VPS54: variants seen among roughly 807,000 people sequenced by gnomAD.
VPS54 encodes the protein VPS54 subunit of GARP complex.
A neutral mutation model predicts 121.5 loss-of-function variants in VPS54; 45 were observed. The observed-to-expected ratio is 0.37, with a 90% CI of 0.29 to 0.47. The LOEUF (loss-of-function observed/expected upper bound fraction) is 0.47, where lower values mean the gene tolerates loss of function less well. VPS54 is among the 20% of genes least tolerant of loss of function. The pLI is 0.99. For missense variants in VPS54, 1,090 were observed against 1,131.4 expected (o/e 0.96, Z 0.52); for synonymous variants, 371 against 385.8 (o/e 0.96, Z 0.45).
intron 20 of VPS54, among the ~76,000 whole-genome samples, chr2:63,902,550 T>G (rs531166052): frequency 3.8e-4 from 57 of 151,886 alleles, no homozygotes; most frequent in Non-Finnish European, 7.7e-4. Flanking sequence ...GGTTCAGCAT[T>G]TAATTAAAAA....
intron 11 of VPS54, among the ~76,000 whole-genome samples, chr2:63,939,144 TG>T (rs1159030518): frequency 6.6e-6 from 1 of 152,112 alleles, no homozygotes; most frequent in Admixed American, 6.6e-5. Flanking sequence ...GAGGCCAAGG[TG>T]GGTGGATCAC....
chr2:64,016,768 C>A (rs1029715589), intron 1 of VPS54, among the ~76,000 whole-genome samples: 3 of 151,648 alleles, frequency 2.0e-5, no homozygotes, highest in Non-Finnish European at 4.4e-5. Context: ...ACCCCCATGC[C>A]CGGCTAATTT....
chr2:63,933,350 A>G (rs971878798), intron 12 of VPS54, among the ~76,000 whole-genome samples: 7 of 152,170 alleles, frequency 4.6e-5, no homozygotes, highest in African/African-American at 1.7e-4. Flanking sequence ...GGGTTCCAGT[A>G]TATGTTCTGC....
chr2:63,984,523 T>C (rs1175344887), intron 1 of VPS54, among the ~76,000 whole-genome samples: 1 of 152,198 alleles, frequency 6.6e-6, no homozygotes. Context: ...ACATAATAAG[T>C]AAAGCATTTA....
intron 12 of VPS54, among the ~76,000 whole-genome samples, chr2:63,923,143 G>A (rs753571361): frequency 4.0e-5 from 6 of 151,740 alleles, no homozygotes; most frequent in South Asian, 4.2e-4. Context: ...GTGAAACCCC[G>A]TCTCTACTAA....
At chr2:63,924,537 G>A (rs1400725150) in intron 12 of VPS54, among the ~76,000 whole-genome samples, 1 of 152,130 alleles carries the variant, frequency 6.6e-6, no homozygotes, top group African/African-American at 2.4e-5. Flanking sequence ...GGATTAAAAA[G>A]CTACAGTTGC....
At chr2:63,918,336 C>T (rs1196605078) in intron 15 of VPS54, among the ~76,000 whole-genome samples, 1 of 151,948 alleles carries the variant, frequency 6.6e-6, no homozygotes. Context: ...ACAGTGGAAT[C>T]AAAAGACCAT....
At chr2:63,939,191 G>A (rs1277329164) in intron 11 of VPS54, among the ~76,000 whole-genome samples, 1 of 152,068 alleles carries the variant, frequency 6.6e-6, no homozygotes, top group African/African-American at 2.4e-5. Flanking sequence ...GGCCAACATG[G>A]TGAAACCCCA....
At chr2:63,944,809 A>G (rs1674904160) in intron 9 of VPS54, among the ~76,000 whole-genome samples, 154 bp from the exon 10 acceptor site, 1 of 152,212 alleles carries the variant, frequency 6.6e-6, no homozygotes, top group Non-Finnish European at 1.5e-5. Flanking sequence ...ACTGATCATT[A>G]GAGAAATGCA....
chr2:63,954,858 C>A (rs1293884376), intron 7 of VPS54, among the ~76,000 whole-genome samples: 1 of 151,932 alleles, frequency 6.6e-6, no homozygotes, highest in Admixed American at 6.6e-5. Context: ...AACCCAGTTT[C>A]TTCGATTAGT....
intron 1 of VPS54, among the ~76,000 whole-genome samples, chr2:64,016,448 AG>A (rs1287824461): frequency 1.3e-4 from 20 of 152,214 alleles, no homozygotes; most frequent in Non-Finnish European, 2.8e-4. Flanking sequence ...ATATTGAGAC[AG>A]AAAGTAGACT....
At chr2:63,985,117 C>G (rs1223931541) in intron 1 of VPS54, among the ~76,000 whole-genome samples, 2 of 152,092 alleles carry the variant, frequency 1.3e-5, no homozygotes, top group Non-Finnish European at 2.9e-5. Flanking sequence ...TCCTGGAGTT[C>G]AAGGCCAGCC....
At chr2:63,903,590 A>G (rs532954994) in intron 20 of VPS54, among the ~76,000 whole-genome samples, 1 of 152,298 alleles carries the variant, frequency 6.6e-6, no homozygotes, top group East Asian at 1.9e-4. Flanking sequence ...GGTTTTATAA[A>G]ATACGTAGAA....
chr2:63,958,404 T>C (rs1282333704), intron 7 of VPS54, among the ~76,000 whole-genome samples: 1 of 152,056 alleles, frequency 6.6e-6, no homozygotes, highest in Non-Finnish European at 1.5e-5. Flanking sequence ...CACAGAAAAA[T>C]GGCAGACAAA....
Position 63,958,576 on chromosome 2 carries a change from G to A in VPS54, c.1010+3482C>T, listed in dbSNP as rs541164723. 2.0e-5 allele frequency among the ~76,000 whole-genome samples: 3 copies of A among 152,292 alleles called. No individual in the cohort carries two copies. The East Asian group carries it at 5.8e-4, about 29-fold the overall frequency. ...AAAAAAATTTAAAAATTAGCCTGGC[G>A]TGGTGGCACAGACCTACAGTCTTAG... On this transcript the variant is annotated intron_variant, in intron 7 of 22. Coordinates refer to ENST00000272322, the MANE Select transcript of VPS54 (RefSeq NM_016516.3).
intron 1 of VPS54, among the ~76,000 whole-genome samples, chr2:64,006,918 A>C (rs1282863579): frequency 6.6e-6 from 1 of 152,166 alleles, no homozygotes; most frequent in Admixed American, 6.5e-5. Context: ...CACGCCCGGC[A>C]AACATCTTAC....
At chr2:63,981,376 C>A (rs1448200779) in intron 3 of VPS54, among the ~76,000 whole-genome samples, 1 of 152,108 alleles carries the variant, frequency 6.6e-6, no homozygotes, top group Non-Finnish European at 1.5e-5. Flanking sequence ...CTAACAGAAT[C>A]ATTTTCTCCT....
At chr2:63,955,437 T>C (rs1268788508) in intron 7 of VPS54, among the ~76,000 whole-genome samples, 1 of 152,068 alleles carries the variant, frequency 6.6e-6, no homozygotes, top group Non-Finnish European at 1.5e-5. Context: ...TAAAGAATTA[T>C]GGTGGGAGGT....
At chr2:64,013,668 A>G (rs1042271840) in intron 1 of VPS54, among the ~76,000 whole-genome samples, 1 of 146,746 alleles carries the variant, frequency 6.8e-6, no homozygotes, top group Non-Finnish European at 1.5e-5. Flanking sequence ...ATTGATATAT[A>G]TATCTATATA....
Sources: allele counts gnomAD v4.1 joint callset (sites outside exome capture counted in the v4.1 genomes callset), GRCh38; gene constraint gnomAD v4.1.1; transcripts MANE v1.5; gene names NCBI Gene and HGNC (gene_info 2026-07-23, HGNC 2026-07-21).